Variants in VPS13B observed in about 807,000 individuals in gnomAD.
VPS13B encodes the protein intermembrane lipid transfer protein VPS13B.
A neutral mutation model predicts 426.4 loss-of-function variants in VPS13B; 285 were observed. The observed-to-expected ratio is 0.67, with a 90% confidence interval of 0.61 to 0.74. The LOEUF is 0.74. Ranked by LOEUF, VPS13B falls within the 30% of genes least tolerant of loss-of-function variation. VPS13B has a pLI of 0.00. For missense variants in VPS13B, 4,537 were observed against 4,782.6 expected (o/e 0.95, Z 1.51); for synonymous variants, 1,676 against 1,676.4 (o/e 1.00, Z 0.01).
chr8:99,103,194 G>T, intron 5 of VPS13B, 74 bp downstream of exon 5: 1 of 1,535,770 alleles, frequency 6.5e-7, no homozygotes, highest in South Asian at 1.1e-5. Context: ...CCCTTCTTTG[G>T]GCCAACTGAG....
intron 19 of VPS13B, among the ~76,000 whole-genome samples, chr8:99,330,699 G>T (rs530809293): frequency 6.6e-6 from 1 of 151,720 alleles, no homozygotes; most frequent in African/African-American, 2.4e-5. Context: ...TTAGAAGGGC[G>T]TTACAGTGGT....
In VPS13B at chr8:99,274,258, A is replaced by C. The variant is rs1178773756; in HGVS notation, c.2576A>C (p.Lys859Thr). ...LEGSIQNVELKYCSTSLVKCA... is the reference protein window; with the variant it reads ...LEGSIQNVELTYCSTSLVKCA... ...GGCTCAATCCAGAATGTTGAATTGA[A>C]GTACTGCAGCACATCATTGGTCAAA... The change falls in exon 18 of 62, where the codon AAG becomes ACG. Residue 859 changes from lysine to threonine, a missense_variant. Around this residue, in one of 2 missense-constraint regions of VPS13B, gnomAD observed 4,311 missense variants for 4,474.3 expected, o/e 0.96. Transcript: ENST00000357162. 1 of 1,614,184 alleles carries C rather than the reference A, an allele frequency of 6.2e-7. No individual in the cohort carries two copies. The highest frequency in any genetic ancestry group is 1.7e-5 in the Admixed American group (1 of 60,038).
intron 19 of VPS13B, among the ~76,000 whole-genome samples, chr8:99,362,574 G>A (rs529603208): frequency 1.7e-3 from 254 of 152,288 alleles, no homozygotes; most frequent in African/African-American, 5.6e-3. Context: ...ATTTGAATTA[G>A]AAGGTCTCCA....
chr8:99,613,205 G>A (rs1414930531), intron 33 of VPS13B, among the ~76,000 whole-genome samples: 2 of 152,070 alleles, frequency 1.3e-5, no homozygotes, highest in Non-Finnish European at 2.9e-5. Context: ...TACCTTTTAG[G>A]TCTTTCTGGA....
intron 19 of VPS13B, among the ~76,000 whole-genome samples, chr8:99,360,118 TTATCTTTC>T (rs1250062650): frequency 0.019 from 2,325 of 122,948 alleles, 181 homozygotes; most frequent in African/African-American, 0.055. Context: ...TTTTTTTTCC[TTATCTTTC>T]TTTCTTTCTT....
Position 99,111,103 on chromosome 8 carries a change from G to C in VPS13B, c.586G>C (p.Asp196His). The C allele has an allele frequency of 6.3e-7, 1 of 1,598,356 alleles. No homozygotes were observed. The highest frequency in any genetic ancestry group is 8.5e-7 in the Non-Finnish European group (1 of 1,172,246). The stretch of plus-strand genomic sequence containing the variant: ...ATGTTTTTTTTTCTTTTTAGCAACT[G>C]ATTTGGTGCTGAGAAAGGTTATCAA... ...DRAFMDISAT[D>H]LVLRKVINFS... The change falls in exon 6 of 62, where the codon GAT becomes CAT. Residue 196 changes from aspartate to histidine, a missense_variant. Transcript: ENST00000357162.
Position 99,466,478 on chromosome 8 carries a change from A to G in VPS13B, c.3446-936A>G, listed in dbSNP as rs140932880. On this transcript the variant is annotated intron_variant, in intron 23 of 61. Transcript: ENST00000357162. ...ATATCACCATAATAAATGTTTAAAA[A>G]TATTCTAATACTAAATGGACTTTTT... Among the ~76,000 whole-genome samples, 96 of 152,272 alleles carry G rather than the reference A, an allele frequency of 6.3e-4. 2 individuals carry two copies. The highest frequency in any genetic ancestry group is 2.0e-3 in the African/African-American group (83 of 41,572).
chr8:99,372,370 C>A (rs1174723052), intron 19 of VPS13B, among the ~76,000 whole-genome samples: 1 of 151,880 alleles, frequency 6.6e-6, no homozygotes, highest in Admixed American at 6.6e-5. Flanking sequence ...TCAGAGTGAA[C>A]ATGCAGCCTA....
At chr8:99,872,948 C>G (rs1817502677) in intron 61 of VPS13B, among the ~76,000 whole-genome samples, 2 of 152,164 alleles carry the variant, frequency 1.3e-5, no homozygotes, top group Admixed American at 1.3e-4. Context: ...GGTTTGGCAC[C>G]AGGACTACAT....
chr8:99,625,702 G>A (rs977663234), intron 33 of VPS13B, among the ~76,000 whole-genome samples: 22 of 151,520 alleles, frequency 1.5e-4, no homozygotes, highest in African/African-American at 3.6e-4. Flanking sequence ...AAAAATTAGC[G>A]AAGTATAGTG....
intron 19 of VPS13B, among the ~76,000 whole-genome samples, chr8:99,284,282 A>G (rs924803903): frequency 1.3e-5 from 2 of 152,168 alleles, no homozygotes; most frequent in Non-Finnish European, 2.9e-5. Flanking sequence ...ACCACCTTGC[A>G]GTATTTCTTT....
intron 33 of VPS13B, among the ~76,000 whole-genome samples, chr8:99,597,150 A>C (rs913329157): frequency 6.6e-6 from 1 of 151,970 alleles, no homozygotes; most frequent in Non-Finnish European, 1.5e-5. Context: ...GGTAAACAAT[A>C]GTTTCCTATT....
chr8:99,118,011 TA>T (rs1420105809), intron 7 of VPS13B, among the ~76,000 whole-genome samples: 1 of 152,176 alleles, frequency 6.6e-6, no homozygotes, highest in Non-Finnish European at 1.5e-5. Context: ...TATGTAGATA[TA>T]AAACATACCT....
rs561616331 is a variant in VPS13B at position 99,328,682 on chromosome 8, T to G, written c.2824+53428T>G. Among the ~76,000 whole-genome samples the G allele has an allele frequency of 2.0e-5, 3 of 152,332 alleles. No individual in the cohort carries two copies. The East Asian group carries it at 5.8e-4, about 29-fold the overall frequency. ...GTTAAGATTTTTGTTACTATGTTGG[T>G]CTTTTTATAAAATGGCTATTTTATG... On this transcript the variant is annotated intron_variant, in intron 19 of 61. Transcript: ENST00000357162.
chr8:99,248,659 CTG>C (rs1817347961), intron 17 of VPS13B, among the ~76,000 whole-genome samples: 1 of 152,106 alleles, frequency 6.6e-6, no homozygotes, highest in African/African-American at 2.4e-5. Context: ...TGTTTAAACA[CTG>C]AACATTCTCT....
intron 33 of VPS13B, among the ~76,000 whole-genome samples, chr8:99,592,250 T>G (rs1826726622): frequency 1.3e-5 from 2 of 152,094 alleles, no homozygotes; most frequent in African/African-American, 4.8e-5. Flanking sequence ...TTCCTTGCGA[T>G]GCATTCGAAC....
chr8:99,226,947 GC>G (rs1816054459), intron 17 of VPS13B, among the ~76,000 whole-genome samples: 1 of 151,706 alleles, frequency 6.6e-6, no homozygotes, highest in Non-Finnish European at 1.5e-5. Flanking sequence ...GTTGCTATTA[GC>G]CTCCCTACTC....
intron 17 of VPS13B, among the ~76,000 whole-genome samples, chr8:99,203,122 T>G (rs967013318): frequency 6.6e-6 from 1 of 151,662 alleles, no homozygotes; most frequent in East Asian, 1.9e-4. Context: ...AATAAAATAC[T>G]GGCAAACTGA....
chr8:99,030,461 AGTGTGT>A (rs34944940), intron 2 of VPS13B, among the ~76,000 whole-genome samples: 6 of 144,792 alleles, frequency 4.1e-5, no homozygotes, highest in African/African-American at 1.3e-4. Context: ...TGAGTGAGTG[AGTGTGT>A]GTGTGTGTGT....
Sources: allele counts gnomAD v4.1 joint callset (sites outside exome capture counted in the v4.1 genomes callset), GRCh38; gene constraint gnomAD v4.1.1; regional missense constraint gnomAD v4.1.1; transcripts MANE v1.5; gene names NCBI Gene and HGNC (gene_info 2026-07-23, HGNC 2026-07-21).